Variants in CTNNA2 observed in about 807,000 individuals in gnomAD.
The protein encoded by CTNNA2 is catenin alpha 2, also known as catenin alpha-2.
A neutral mutation model predicts 101.0 loss-of-function variants in CTNNA2; 42 were observed. The ratio of observed to expected loss-of-function variants is 0.42; its 90% CI spans 0.32 to 0.54. The LOEUF is 0.54. CTNNA2 is among the 20% of genes least tolerant of loss of function. CTNNA2 has a pLI of 0.14. For missense variants in CTNNA2, 871 were observed against 1,223.1 expected (o/e 0.71, Z 4.29); for synonymous variants, 450 against 456.4 (o/e 0.99, Z 0.18).
At chr2:80,586,946 G>A (rs1204340302) in intron 14 of CTNNA2, among the ~76,000 whole-genome samples, 1 of 152,108 alleles carries the variant, frequency 6.6e-6, no homozygotes, top group Non-Finnish European at 1.5e-5. Context: ...CATGTCTATG[G>A]CATCCACCAG....
At position 80,214,069 on chromosome 2, in the gene CTNNA2, A is replaced by G. The variant is rs542204929; in HGVS notation, c.1057-179142A>G. Among the ~76,000 whole-genome samples the G allele has an allele frequency of 2.0e-5, 3 of 152,224 alleles. No homozygotes were observed. In the East Asian group the frequency reaches 5.8e-4, roughly 29 times the overall value. Reference sequence around the variant, plus strand: ...TGTTTTTGTTTTCCATTTGCTTGCTAGATCTTCCTCCATCCCTTTGTTTTG... The same window carrying G: ...TGTTTTTGTTTTCCATTTGCTTGCTGGATCTTCCTCCATCCCTTTGTTTTG... On this transcript the variant is annotated intron_variant, in intron 7 of 18. Coordinates refer to ENST00000402739, the MANE Select transcript of CTNNA2 (RefSeq NM_001282597.3).
intron 3 of CTNNA2, among the ~76,000 whole-genome samples, chr2:79,831,523 C>A (rs563671915): frequency 1.8e-4 from 27 of 152,172 alleles, no homozygotes; most frequent in African/African-American, 6.0e-4. Context: ...GCTTAAGAAT[C>A]ATTGACTCCT....
chr2:79,639,286 T>G (rs1680286959), intron 1 of CTNNA2, among the ~76,000 whole-genome samples: 1 of 152,242 alleles, frequency 6.6e-6, no homozygotes, highest in Admixed American at 6.5e-5. Context: ...CTTTAATGTT[T>G]ACCACATCAC....
chr2:79,742,703 G>A (rs1436764365), intron 2 of CTNNA2, among the ~76,000 whole-genome samples: 3 of 152,078 alleles, frequency 2.0e-5, no homozygotes, highest in East Asian at 1.9e-4. Flanking sequence ...GTTCCTCATC[G>A]CATACACATT....
At chr2:79,966,452 T>G (rs1463597627) in intron 7 of CTNNA2, among the ~76,000 whole-genome samples, 1 of 152,156 alleles carries the variant, frequency 6.6e-6, no homozygotes, top group Non-Finnish European at 1.5e-5. Flanking sequence ...TTTAGCCTGG[T>G]CTCAAATGCT....
intron 1 of CTNNA2, among the ~76,000 whole-genome samples, chr2:79,583,858 T>G (rs987185345): frequency 6.6e-6 from 1 of 152,224 alleles, no homozygotes. Context: ...GTTTTTCCAT[T>G]ACATTGACTG....
chr2:80,097,701 A>G lies in CTNNA2; in HGVS notation c.1056+187904A>G, dbSNP rs139505874. Among the ~76,000 whole-genome samples the G allele has an allele frequency of 7.8e-4, 118 of 152,140 alleles. 1 individual carries two copies. In the East Asian group the frequency reaches 0.018, roughly 23 times the overall value. On this transcript the variant is annotated intron_variant, in intron 7 of 18. Transcript: ENST00000402739. ...CCCATATTTCTTGGAGTCTTTGTTC[A>G]TTTCTTTTTATTGTTTTTTCTCTAA...
chr2:80,193,537 T>C (rs1706656295), intron 7 of CTNNA2, among the ~76,000 whole-genome samples: 1 of 152,212 alleles, frequency 6.6e-6, no homozygotes, highest in Non-Finnish European at 1.5e-5. Context: ...GTAAGTTGCC[T>C]TCACAGAACT....
intron 4 of CTNNA2, among the ~76,000 whole-genome samples, chr2:79,417,469 G>A (rs1678496149): frequency 6.6e-6 from 1 of 152,172 alleles, no homozygotes; most frequent in African/African-American, 2.4e-5. Flanking sequence ...GAAGGGCTAT[G>A]TGTTCACTCA....
intron 2 of CTNNA2, among the ~76,000 whole-genome samples, chr2:79,286,167 T>C (rs1357327402): frequency 6.6e-6 from 1 of 152,188 alleles, no homozygotes; most frequent in South Asian, 2.1e-4. Context: ...TGAGATGGGT[T>C]TCCTGGATAC....
intron 4 of CTNNA2, among the ~76,000 whole-genome samples, chr2:79,479,731 T>C (rs536670203): frequency 9.9e-5 from 15 of 152,184 alleles, no homozygotes; most frequent in Admixed American, 5.2e-4. Context: ...AAGACCAGCC[T>C]GGCCAACATG....
chr2:79,404,992 G>T (rs1047376655), intron 4 of CTNNA2, among the ~76,000 whole-genome samples: 12 of 151,978 alleles, frequency 7.9e-5, no homozygotes, highest in Admixed American at 3.3e-4. Context: ...CAGGTCAAAG[G>T]TTTTAAGTAT....
At chr2:80,041,562 A>G (rs1406612306) in intron 7 of CTNNA2, among the ~76,000 whole-genome samples, 1 of 152,194 alleles carries the variant, frequency 6.6e-6, no homozygotes, top group African/African-American at 2.4e-5. Flanking sequence ...TCCCCCTGAC[A>G]TGACTAATGC....
chr2:80,309,460 A>G (rs1249085820), intron 7 of CTNNA2, among the ~76,000 whole-genome samples: 1 of 152,136 alleles, frequency 6.6e-6, no homozygotes, highest in Non-Finnish European at 1.5e-5. Flanking sequence ...TAATGATAGT[A>G]TTTTAAAACT....
chr2:79,517,534 T>C (rs1455700567), intron 1 of CTNNA2, among the ~76,000 whole-genome samples: 3 of 152,194 alleles, frequency 2.0e-5, no homozygotes, highest in African/African-American at 7.2e-5. Context: ...GTAGTAGTTT[T>C]ATTTTTTATG....
chr2:80,647,790 C>T lies in CTNNA2; in HGVS notation c.2780C>T (p.Thr927Ile). Residue 927 changes from threonine to isoleucine, a missense_variant, in exon 19 of 19, where the codon ACA (threonine) becomes ATA (isoleucine). This residue lies in a region of CTNNA2 where 41 missense variants were observed against 45.1 expected (regional missense o/e 0.91). Coordinates refer to ENST00000402739, the MANE Select transcript of CTNNA2 (RefSeq NM_001282597.3). ...VKREKPEEFQ[T>I]RVRRGSQKKH... ...AGAGAAAAGCCTGAAGAATTCCAGA[C>T]ACGAGTTCGACGAGGTTCTCAGAAG... 1.2e-6 allele frequency: 2 copies of T among 1,613,638 alleles called. No homozygotes were observed. Among genetic ancestry groups the T allele is most frequent in the Non-Finnish European group, 1.7e-6 (2 of 1,179,624 alleles).
At chr2:79,278,988 A>G (rs1039826264) in intron 2 of CTNNA2, among the ~76,000 whole-genome samples, 10 of 152,130 alleles carry the variant, frequency 6.6e-5, no homozygotes, top group Admixed American at 6.5e-4. Flanking sequence ...GAGGTGAGAC[A>G]ATATGGCAGG....
chr2:79,972,772 A>G lies in CTNNA2; in HGVS notation c.1056+62975A>G, dbSNP rs73938438. On this transcript the variant is annotated intron_variant, in intron 7 of 18. Coordinates refer to ENST00000402739, the MANE Select transcript of CTNNA2 (RefSeq NM_001282597.3). ...ATAGAGCACATATTTTCAGTGCTCA[A>G]TGAAAGAAACAAGGGAGAGTGGGTG... Among the ~76,000 whole-genome samples the G allele has an allele frequency of 8.9e-3, 1,361 of 152,290 alleles. 20 individuals are homozygous for G. The highest frequency in any genetic ancestry group is 0.029 in the African/African-American group (1,220 of 41,562).
intron 2 of CTNNA2, among the ~76,000 whole-genome samples, chr2:79,725,452 G>C (rs1052511756): frequency 6.6e-5 from 10 of 152,174 alleles, no homozygotes; most frequent in African/African-American, 2.2e-4. Context: ...CAAAGCACAT[G>C]CTCCAAGAGT....
Sources: allele counts gnomAD v4.1 joint callset (sites outside exome capture counted in the v4.1 genomes callset), GRCh38; gene constraint gnomAD v4.1.1; regional missense constraint gnomAD v4.1.1; transcripts MANE v1.5; gene names NCBI Gene and HGNC (gene_info 2026-07-23, HGNC 2026-07-21).